ZNF236: variants seen among roughly 807,000 people sequenced by gnomAD.
ZNF236 encodes regulated by glucose.
A neutral mutation model predicts 191.2 loss-of-function variants in ZNF236; 50 were observed. The ratio of observed to expected loss-of-function variants is 0.26; its 90% confidence interval spans 0.21 to 0.33. The LOEUF is 0.33. Among genes scored for constraint, ZNF236 ranks in the 10% least tolerant of loss-of-function variants. The probability of loss-of-function intolerance (pLI) is 1.00; values close to 1 mark genes in which losing one functional copy is unlikely to be tolerated. For missense variants in ZNF236, 1,754 were observed against 2,374.5 expected (o/e 0.74, Z 5.43); for synonymous variants, 907 against 928.8 (o/e 0.98, Z 0.43).
chr18:76,834,761 T>C, intron 1 of ZNF236: 1 of 456,802 alleles, frequency 2.2e-6, no homozygotes, highest in South Asian at 1.8e-5. Flanking sequence ...GGATCGAACA[T>C]TGTACTTGTC....
intron 5 of ZNF236, among the ~76,000 whole-genome samples, chr18:76,873,801 C>T (rs1043743700): frequency 2.0e-5 from 3 of 151,728 alleles, no homozygotes; most frequent in African/African-American, 7.3e-5. Context: ...TGCCTGCCCT[C>T]CTCTCCTGTC....
chr18:76,823,780 C>T (rs1443539899), intron 1 of ZNF236, among the ~76,000 whole-genome samples: 2 of 152,126 alleles, frequency 1.3e-5, no homozygotes, highest in East Asian at 3.9e-4. Context: ...GCAGGGGGAT[C>T]GGGGCGCACT....
chr18:76,835,636 T>C (rs1041729497), intron 1 of ZNF236, among the ~76,000 whole-genome samples: 10 of 152,308 alleles, frequency 6.6e-5, no homozygotes, highest in African/African-American at 2.4e-4. Flanking sequence ...TGTTCTATAG[T>C]ATTTATTTCT....
chr18:76,939,962 C>T (rs1968094187), intron 26 of ZNF236, among the ~76,000 whole-genome samples: 1 of 143,152 alleles, frequency 7.0e-6, no homozygotes, highest in Admixed American at 7.0e-5. Context: ...TGGTGGGCCA[C>T]CCTAGCACTG....
At chr18:76,915,349 G>A (rs778778480) in intron 18 of ZNF236, among the ~76,000 whole-genome samples, 1 of 152,144 alleles carries the variant, frequency 6.6e-6, no homozygotes, top group Non-Finnish European at 1.5e-5. Flanking sequence ...GACTTGATTT[G>A]TTTTGAAGAC....
At chr18:76,906,016 A>T (rs1201813987) in intron 13 of ZNF236, among the ~76,000 whole-genome samples, 1 of 152,180 alleles carries the variant, frequency 6.6e-6, no homozygotes. Context: ...TGGTACTGTA[A>T]CACCTGGGTA....
In ZNF236 at chr18:76,868,585, G is replaced by A. The variant is rs1309339907; in HGVS notation, c.364-100G>A. On this transcript the variant is annotated intron_variant, in intron 3 of 30. Coordinates refer to ENST00000320610, the MANE Select transcript of ZNF236 (RefSeq NM_001306089.2). ...AAATCAAGATTAGAGAGACCAAGTAGTTTTCATTTAATTTGTGTATTAACC... is the reference window on the plus strand; with the variant it reads ...AAATCAAGATTAGAGAGACCAAGTAATTTTCATTTAATTTGTGTATTAACC... 4.0e-6 allele frequency: 4 copies of A among 995,394 alleles called. No homozygotes were observed. In the African/African-American group the frequency reaches 6.6e-5, roughly 16 times the overall value. The allele number at this position is 995,394 out of a possible 1,614,324, so 61.7% of individuals were successfully genotyped here.
chr18:76,951,987 TGTGG>T (rs1968420433), intron 27 of ZNF236, among the ~76,000 whole-genome samples: 1 of 152,244 alleles, frequency 6.6e-6, no homozygotes, highest in Non-Finnish European at 1.5e-5. Flanking sequence ...TGCCATTTTA[TGTGG>T]GTGGGGTTTG....
At chr18:76,921,701 A>G (rs1967539063) in intron 20 of ZNF236, among the ~76,000 whole-genome samples, 1 of 150,016 alleles carries the variant, frequency 6.7e-6, no homozygotes, top group Admixed American at 6.6e-5. Context: ...ACATGTCTCC[A>G]TCGACTGTAC....
intron 30 of ZNF236, among the ~76,000 whole-genome samples, chr18:76,961,920 T>G (rs1968677123): frequency 7.1e-6 from 1 of 141,828 alleles, no homozygotes; most frequent in African/African-American, 3.1e-5. Context: ...GGATTGTTTG[T>G]TTTTTTTCTT....
intron 3 of ZNF236, among the ~76,000 whole-genome samples, chr18:76,868,239 A>G (rs1173114482): frequency 6.6e-6 from 1 of 152,174 alleles, no homozygotes; most frequent in East Asian, 1.9e-4. Context: ...GATGTGGTCT[A>G]TCTACTAAAA....
intron 26 of ZNF236, among the ~76,000 whole-genome samples, chr18:76,942,139 G>C (rs935515718): frequency 8.5e-5 from 13 of 152,206 alleles, no homozygotes; most frequent in African/African-American, 2.9e-4. Flanking sequence ...TTCACTAGGG[G>C]ATAAATGTCG....
chr18:76,850,474 A>G (rs1975825898), intron 2 of ZNF236, among the ~76,000 whole-genome samples: 1 of 152,226 alleles, frequency 6.6e-6, no homozygotes, highest in African/African-American at 2.4e-5. Flanking sequence ...TTGTTACTTC[A>G]GAGATAAATA....
chr18:76,950,715 T>C (rs1426757641), intron 27 of ZNF236, among the ~76,000 whole-genome samples: 2 of 152,264 alleles, frequency 1.3e-5, no homozygotes, highest in Non-Finnish European at 2.9e-5. Flanking sequence ...CTTCCTCCCA[T>C]GAATCACAAA....
At chr18:76,884,568 C>T (rs1266447345) in intron 9 of ZNF236, among the ~76,000 whole-genome samples, 3 of 152,030 alleles carry the variant, frequency 2.0e-5, no homozygotes, top group African/African-American at 7.3e-5. Context: ...CATACTTTAC[C>T]TTCTTAGATC....
At chr18:76,922,100 C>A (rs1967552718) in intron 20 of ZNF236, among the ~76,000 whole-genome samples, 2 of 152,210 alleles carry the variant, frequency 1.3e-5, no homozygotes, top group Admixed American at 6.5e-5. Flanking sequence ...TCGTCAGTAT[C>A]TATAAACCTA....
At chr18:76,866,447 G>T (rs779866559) in intron 3 of ZNF236, among the ~76,000 whole-genome samples, 11 of 152,298 alleles carry the variant, frequency 7.2e-5, no homozygotes, top group Middle Eastern at 3.4e-3. Context: ...GAGGGGATTC[G>T]GAGAAGGGGA....
chr18:76,913,784 C>T lies in ZNF236; in HGVS notation c.2947C>T (p.His983Tyr). 6.2e-7 allele frequency: 1 copy of T among 1,614,190 alleles called. No homozygotes were observed. The highest frequency in any genetic ancestry group is 8.5e-7 in the Non-Finnish European group (1 of 1,180,036). ...YCNKGFKKSS[H>Y]LKQHVRSHTG... ...CAACAAAGGCTTTAAGAAGTCCAGC[C>T]ACCTGAAGCAGCATGTGCGGTCGCA... Residue 983 changes from histidine to tyrosine, a missense_variant, in exon 18 of 31, where the codon CAC becomes TAC. This residue lies in a region of ZNF236 where 641 missense variants were observed against 869.6 expected (regional missense o/e 0.74). Coordinates refer to ENST00000320610, the MANE Select transcript of ZNF236 (RefSeq NM_001306089.2).
At chr18:76,864,102 A>G (rs1976327496) in intron 3 of ZNF236, among the ~76,000 whole-genome samples, 1 of 151,944 alleles carries the variant, frequency 6.6e-6, no homozygotes, top group Non-Finnish European at 1.5e-5. Flanking sequence ...CACTTACATT[A>G]TCAGCTCTCC....
Sources: allele counts gnomAD v4.1 joint callset (sites outside exome capture counted in the v4.1 genomes callset), GRCh38; gene constraint gnomAD v4.1.1; regional missense constraint gnomAD v4.1.1; transcripts MANE v1.5; gene names NCBI Gene and HGNC (gene_info 2026-07-23, HGNC 2026-07-21).